CFAP68: variants seen among roughly 807,000 people sequenced by gnomAD.
CFAP68 encodes the protein cilia and flagella associated protein 68.
chr11:111,880,063 TA>T, the CFAP68 span, among the ~76,000 whole-genome samples: 4 of 152,184 alleles, frequency 2.6e-5, no homozygotes, highest in East Asian at 1.9e-4. Context: ...TGTAAGCCTT[TA>T]AAAAAAATCA....
the CFAP68 span, among the ~76,000 whole-genome samples, chr11:111,883,569 G>A: frequency 1.3e-5 from 2 of 151,620 alleles, no homozygotes; most frequent in African/African-American, 4.8e-5. Context: ...CTCCTGCCTG[G>A]GTGACAGAGT....
the CFAP68 span, chr11:111,882,715 A>C: frequency 1.0e-6 from 1 of 979,648 alleles, no homozygotes; most frequent in Non-Finnish European, 1.5e-6. Context: ...CTCAGTTTTC[A>C]GTGAAGTGGT....
At chr11:111,883,438 C>T in the CFAP68 span, among the ~76,000 whole-genome samples, 1 of 151,840 alleles carries the variant, frequency 6.6e-6, no homozygotes, top group Admixed American at 6.6e-5. Flanking sequence ...AAAAAAAATA[C>T]AAAAATTAGC....
the CFAP68 span, chr11:111,879,637 A>G: frequency 3.7e-6 from 6 of 1,602,952 alleles, no homozygotes; most frequent in African/African-American, 4.0e-5. Context: ...TATTCGTTCA[A>G]GAAAGAGTAT....
chr11:111,885,583 AC>A, the CFAP68 span: 15 of 152,322 alleles, frequency 9.8e-5, no homozygotes, highest in African/African-American at 3.4e-4. Flanking sequence ...ACTAGTAGAG[AC>A]TGAGAAAGGG....
the CFAP68 span, chr11:111,883,116 C>G: frequency 2.0e-6 from 3 of 1,530,136 alleles, no homozygotes; most frequent in Non-Finnish European, 2.7e-6. Context: ...GATTCTTAAT[C>G]TGTTAATTTT....
the CFAP68 span, chr11:111,883,776 A>T: frequency 6.2e-7 from 1 of 1,608,970 alleles, no homozygotes; most frequent in African/African-American, 1.3e-5. Context: ...CTCAGGATTT[A>T]AGCGAGAGCC....
At chr11:111,883,341 G>A in the CFAP68 span, 1 of 721,170 alleles carries the variant, frequency 1.4e-6, no homozygotes, top group Non-Finnish European at 2.3e-6. Flanking sequence ...TGTAACCCCA[G>A]CACTTTGTGA....
the CFAP68 span, chr11:111,881,493 AAGCCAGGTTTGTTGACATCT>A: frequency 6.5e-7 from 1 of 1,535,946 alleles, no homozygotes; most frequent in African/African-American, 1.4e-5. Flanking sequence ...AGAACTGGGA[AAGCCAGGTTTGTTGACATCT>A]TTAAAGAACA....
the CFAP68 span, chr11:111,884,957 C>G: frequency 2.0e-5 from 3 of 151,696 alleles, no homozygotes; most frequent in Admixed American, 1.3e-4. Flanking sequence ...CCAAGACCAG[C>G]CTGGCCAATG....
the CFAP68 span, chr11:111,883,751 C>CTTTTTTT: frequency 6.6e-7 from 1 of 1,513,310 alleles, no homozygotes; most frequent in Non-Finnish European, 9.1e-7. Context: ...TCTTTCCTTC[C>CTTTTTTT]TTTTTTTTTC....
At chr11:111,881,523 A>T in the CFAP68 span, 747 of 1,536,108 alleles carry the variant, frequency 4.9e-4, 3 homozygotes, top group Middle Eastern at 0.015. Flanking sequence ...TTTAAAGAAC[A>T]TGGAACAGCC....
chr11:111,881,559 A>G, the CFAP68 span: 6 of 1,535,896 alleles, frequency 3.9e-6, no homozygotes, highest in Non-Finnish European at 5.2e-6. Flanking sequence ...TGACTCTCAT[A>G]AGAAATCTTC....
chr11:111,880,663 G>T, the CFAP68 span: 3 of 393,230 alleles, frequency 7.6e-6, no homozygotes, highest in Non-Finnish European at 1.5e-5. Context: ...CATAAAAATG[G>T]GCAACCAGCT....
At chr11:111,881,135 G>A in the CFAP68 span, 1 of 1,085,218 alleles carries the variant, frequency 9.2e-7, no homozygotes, top group East Asian at 5.3e-5. Flanking sequence ...GAAAATTAAA[G>A]ACAAGTCAGA....
At chr11:111,883,910 T>A in the CFAP68 span, 1 of 1,419,044 alleles carries the variant, frequency 7.0e-7, no homozygotes, top group Non-Finnish European at 9.8e-7. Context: ...GTGTATAAGA[T>A]CTTAATATTG....
chr11:111,881,908 A>G, the CFAP68 span, among the ~76,000 whole-genome samples: 2 of 152,218 alleles, frequency 1.3e-5, no homozygotes, highest in African/African-American at 4.8e-5. Context: ...TTGAAAGAGA[A>G]GCTAACTTCA....
chr11:111,883,347 T>C, the CFAP68 span: 1 of 700,294 alleles, frequency 1.4e-6, no homozygotes, highest in Non-Finnish European at 2.4e-6. Context: ...CCCAGCACTT[T>C]GTGAGGCTGA....
At chr11:111,881,346 A>C in the CFAP68 span, 2 of 1,466,220 alleles carry the variant, frequency 1.4e-6, no homozygotes, top group Non-Finnish European at 1.8e-6. Context: ...AGATGGTATG[A>C]GGGTAGTTAC....
Sources: gnomAD v4.1 joint callset for allele counts (sites outside exome capture counted in the v4.1 genomes callset) on GRCh38, gnomAD v4.1.1 for gene constraint, MANE v1.5 for transcripts, NCBI Gene and HGNC (gene_info 2026-07-23, HGNC 2026-07-21) for gene names.